The following DPP10 variants were observed in gnomAD, a reference collection of about 807,000 sequenced individuals.
DPP10 encodes dipeptidyl peptidase like 10, also known as inactive dipeptidyl peptidase 10.
DPP10 carries 33 observed loss-of-function variants against 120.9 expected under a neutral mutation model. The observed-to-expected ratio is 0.27, with a 90% CI of 0.21 to 0.37. The LOEUF is 0.37. DPP10 is among the 10% of genes least tolerant of loss of function. The pLI, the probability that DPP10 is intolerant of heterozygous loss-of-function variation, is 1.00. For synonymous variants in DPP10, 337 were observed against 326.1 expected (o/e 1.03, Z -0.36); for missense variants, 816 against 942.8 (o/e 0.87, Z 1.76).
chr2:114,598,112 CA>C (rs1427089884), intron 1 of DPP10, among the ~76,000 whole-genome samples: 3 of 151,772 alleles, frequency 2.0e-5, no homozygotes, highest in Non-Finnish European at 4.4e-5. Flanking sequence ...CAAGCAATGG[CA>C]TAATATGAAA....
In DPP10 at chr2:114,547,413, C is replaced by T. The variant is rs141514351; in HGVS notation, c.60+104575C>T. Among the ~76,000 whole-genome samples the T allele has an allele frequency of 5.3e-5, 8 of 152,272 alleles. No homozygotes were observed. The East Asian group carries it at 1.5e-3, about 29-fold the overall frequency. On this transcript the variant is annotated intron_variant, in intron 1 of 25. Coordinates refer to ENST00000410059, the MANE Select transcript of DPP10 (RefSeq NM_020868.6). Reference sequence around the variant, plus strand: ...ACATTAAATAGCAAACAAAAGCACACCATGCAGGTCAAGAGGGAGACCACA... The same window carrying T: ...ACATTAAATAGCAAACAAAAGCACATCATGCAGGTCAAGAGGGAGACCACA...
At chr2:115,161,163 G>C (rs897267278) in intron 1 of DPP10, 1 of 152,628 alleles carries the variant, frequency 6.6e-6, no homozygotes, top group Non-Finnish European at 1.5e-5. Flanking sequence ...GCTGGATTCG[G>C]AAGGCGCAGC....
chr2:114,740,921 A>G (rs923508214), intron 1 of DPP10, among the ~76,000 whole-genome samples: 7 of 152,226 alleles, frequency 4.6e-5, no homozygotes, highest in Non-Finnish European at 1.0e-4. Flanking sequence ...GTAATTTTGA[A>G]TAATGATTAT....
At chr2:115,621,587 C>G (rs1481283375) in intron 5 of DPP10, among the ~76,000 whole-genome samples, 5 of 152,180 alleles carry the variant, frequency 3.3e-5, no homozygotes, top group South Asian at 4.1e-4. Flanking sequence ...AAACATAACT[C>G]CGAGGTGTAT....
chr2:115,729,603 C>T (rs1045385095), intron 8 of DPP10, among the ~76,000 whole-genome samples: 1 of 152,106 alleles, frequency 6.6e-6, no homozygotes, highest in African/African-American at 2.4e-5. Context: ...TTCATTTCTA[C>T]TAAAAAATTT....
chr2:115,474,338 C>T (rs1162311202), intron 3 of DPP10, among the ~76,000 whole-genome samples: 6 of 152,110 alleles, frequency 3.9e-5, no homozygotes, highest in African/African-American at 1.4e-4. Flanking sequence ...GTCCTCTTAG[C>T]CAGGCTCTAA....
chr2:114,979,125 A>G (rs1699930846), intron 1 of DPP10, among the ~76,000 whole-genome samples: 1 of 152,040 alleles, frequency 6.6e-6, no homozygotes. Flanking sequence ...GAATTTTGGA[A>G]CCATTTTCAG....
At chr2:114,920,272 A>G (rs1237644666) in intron 1 of DPP10, among the ~76,000 whole-genome samples, 1 of 152,142 alleles carries the variant, frequency 6.6e-6, no homozygotes, top group African/African-American at 2.4e-5. Context: ...ACCAGATGGA[A>G]TAATTAGTGG....
At chr2:114,731,359 T>A (rs1676897073) in intron 1 of DPP10, among the ~76,000 whole-genome samples, 1 of 152,202 alleles carries the variant, frequency 6.6e-6, no homozygotes, top group Non-Finnish European at 1.5e-5. Context: ...CTTCTACTCC[T>A]GCTAATAATA....
chr2:115,274,827 G>A (rs2059844897), intron 1 of DPP10, among the ~76,000 whole-genome samples: 2 of 152,164 alleles, frequency 1.3e-5, no homozygotes, highest in Non-Finnish European at 2.9e-5. Context: ...AACAGTTGTA[G>A]CATCTTTCTT....
chr2:115,642,914 A>G (rs1365996475), intron 5 of DPP10, among the ~76,000 whole-genome samples: 1 of 152,120 alleles, frequency 6.6e-6, no homozygotes, highest in African/African-American at 2.4e-5. Context: ...GAAAAAATTT[A>G]CATAACCTGT....
At chr2:115,590,620 A>G (rs879059516) in intron 5 of DPP10, among the ~76,000 whole-genome samples, 1 of 152,238 alleles carries the variant, frequency 6.6e-6, no homozygotes, top group East Asian at 1.9e-4. Context: ...TAGTGCCACA[A>G]TAAACATACG....
intron 1 of DPP10, among the ~76,000 whole-genome samples, chr2:115,166,166 T>C (rs1342849222): frequency 2.0e-5 from 3 of 152,160 alleles, no homozygotes; most frequent in Non-Finnish European, 1.5e-5. Context: ...TTCAAACATA[T>C]GCTTAATGAA....
chr2:115,735,143 A>G (rs190190585), intron 8 of DPP10, among the ~76,000 whole-genome samples: 178 of 152,320 alleles, frequency 1.2e-3, no homozygotes, highest in Non-Finnish European at 2.1e-3. Context: ...AGGGTTTCAT[A>G]GTGGTCATAC....
At chr2:114,565,927 C>T (rs1338390703) in intron 1 of DPP10, among the ~76,000 whole-genome samples, 1 of 152,164 alleles carries the variant, frequency 6.6e-6, no homozygotes, top group Non-Finnish European at 1.5e-5. Flanking sequence ...TAAGTACCTC[C>T]CTCTGTGTTC....
intron 1 of DPP10, among the ~76,000 whole-genome samples, chr2:115,271,705 C>T (rs534534029): frequency 4.5e-4 from 69 of 152,104 alleles, no homozygotes; most frequent in African/African-American, 1.5e-3. Flanking sequence ...GGTAAAAAAA[C>T]TTTTAAGTAA....
chr2:115,064,583 C>A, intron 1 of DPP10: 1 of 1,160,600 alleles, frequency 8.6e-7, no homozygotes, highest in Non-Finnish European at 1.1e-6. Flanking sequence ...ACACATATTT[C>A]GGTTGGACAT....
chr2:115,489,479 A>G (rs112210034), intron 3 of DPP10, among the ~76,000 whole-genome samples: 3 of 152,172 alleles, frequency 2.0e-5, no homozygotes, highest in African/African-American at 7.2e-5. Context: ...ACAACTGACC[A>G]GCATTCAGGT....
At chr2:114,977,999 A>G (rs1272900020) in intron 1 of DPP10, among the ~76,000 whole-genome samples, 2 of 152,124 alleles carry the variant, frequency 1.3e-5, no homozygotes, top group African/African-American at 4.8e-5. Context: ...ATCTTAATGC[A>G]AAATCATCTG....
Sources: gnomAD v4.1 joint callset for allele counts (sites outside exome capture counted in the v4.1 genomes callset) on GRCh38, gnomAD v4.1.1 for gene constraint, MANE v1.5 for transcripts, NCBI Gene and HGNC (gene_info 2026-07-23, HGNC 2026-07-21) for gene names.